Variants in ZNF620 observed in about 807,000 individuals in gnomAD.
The protein encoded by ZNF620 is zinc finger protein 620.
In ZNF620, 10 loss-of-function variants were observed where a neutral mutation model predicts 13.3. The ratio of observed to expected loss-of-function variants is 0.75; its 90% confidence interval spans 0.46 to 1.28. The LOEUF (loss-of-function observed/expected upper bound fraction) is 1.28. Among genes scored for constraint, ZNF620 ranks in the 50% most tolerant of loss-of-function variants. The probability of loss-of-function intolerance (pLI) is 0.00; values close to 1 mark genes in which losing one functional copy is unlikely to be tolerated. For missense variants in ZNF620, 461 were observed against 500.2 expected (o/e 0.92, Z 0.75); for synonymous variants, 166 against 177.6 (o/e 0.93, Z 0.52).
At position 40,506,288 on chromosome 3, in the gene ZNF620, TTTA is replaced by T; in HGVS notation, c.-49-13_-49-11del. The T allele has an allele frequency of 6.2e-7, 1 of 1,609,910 alleles. No individual in the cohort carries two copies. Among genetic ancestry groups the T allele is most frequent in the South Asian group, 1.1e-5 (1 of 90,332 alleles). ...GCAGCATCAATCTCACCGGTGCTTC[TTTA>T]TTTTCTCTTCAGTTTCACTTCTCCG... On this transcript the variant is annotated splice_polypyrimidine_tract_variant and intron_variant, in intron 1 of 4. Coordinates refer to ENST00000314529, the MANE Select transcript of ZNF620 (RefSeq NM_175888.4).
At position 40,513,316 on chromosome 3, in the gene ZNF620, AATATATATAT is replaced by A. The variant is rs71618944; in HGVS notation, c.265+830_265+839del. Reference sequence around the variant, plus strand: ...CCCGTCTCAACTAAAAAAAAAAAAAAATATATATATATATATATATATATATATATATATA... The same window carrying A: ...CCCGTCTCAACTAAAAAAAAAAAAAAATATATATATATATATATATATATA... On this transcript the variant is annotated intron_variant, in intron 4 of 4. Transcript: ENST00000314529. 1.2e-3 allele frequency among the ~76,000 whole-genome samples: 76 copies of A among 62,678 alleles called. No individual in the cohort carries two copies. The South Asian group carries it at 0.02, about 17-fold the overall frequency. 41.1% of individuals were successfully genotyped at this position (62,678 alleles called of 152,430 possible).
intron 2 of ZNF620, among the ~76,000 whole-genome samples, chr3:40,510,126 G>A (rs1698149288): frequency 6.6e-6 from 1 of 151,568 alleles, no homozygotes; most frequent in Non-Finnish European, 1.5e-5. Context: ...AGGCTCAGGT[G>A]ATCCTCCCAC....
intron 4 of ZNF620, among the ~76,000 whole-genome samples, chr3:40,513,156 T>C (rs1036330031): frequency 2.6e-5 from 4 of 151,670 alleles, no homozygotes; most frequent in Admixed American, 1.3e-4. Context: ...CTCACTTCGA[T>C]GGCTATTGAT....
At chr3:40,506,239 C>A (rs189010476) in intron 1 of ZNF620, 65 bp from the exon 2 acceptor site, 150 of 1,367,904 alleles carry the variant, frequency 1.1e-4, no homozygotes, top group Admixed American at 4.9e-4. Context: ...CCAAGTAGCA[C>A]AGAGGGCATT....
intron 2 of ZNF620, chr3:40,508,747 A>G (rs1166246906): frequency 6.6e-6 from 3 of 456,210 alleles, no homozygotes; most frequent in Non-Finnish European, 1.3e-5. Context: ...GATCCTCCCA[A>G]GGAGTTGAGA....
intron 2 of ZNF620, among the ~76,000 whole-genome samples, chr3:40,509,719 T>C (rs899905061): frequency 4.6e-5 from 7 of 152,132 alleles, no homozygotes; most frequent in African/African-American, 1.7e-4. Flanking sequence ...TATGCAGCCC[T>C]CTCCTCTCTG....
Position 40,517,010 on chromosome 3 carries a change from A to C in ZNF620, c.*147A>C, listed in dbSNP as rs1283487772. 1 of 819,394 alleles carries C rather than the reference A, an allele frequency of 1.2e-6. No individual in the cohort carries two copies. Among genetic ancestry groups the C allele is most frequent in the Non-Finnish European group, 1.8e-6 (1 of 543,918 alleles). The allele number at this position is 819,394 out of a possible 1,614,324, so 50.8% of individuals were successfully genotyped here. The stretch of plus-strand genomic sequence containing the variant: ...AGTTTTTTGAACCTGTTTCCCCAAC[A>C]TGAAGTCTCTTTATGGTTAGAGAAG... On this transcript the variant is annotated 3_prime_UTR_variant, in exon 5 of 5. Coordinates refer to ENST00000314529, the MANE Select transcript of ZNF620 (RefSeq NM_175888.4).
rs754711209 is a variant in ZNF620, at chr3:40,516,502, C to T, written c.908C>T (p.Thr303Ile). 1.2e-6 allele frequency: 2 copies of T among 1,614,174 alleles called. No individual in the cohort carries two copies. Among genetic ancestry groups the T allele is most frequent in the East Asian group, 4.5e-5 (2 of 44,890 alleles). Reference sequence around the variant, plus strand: ...TTCCTCCAGCACCAGAGGTTCCACACTGGGGAGAAGCTCTATGAATGTAAC... The same window carrying T: ...TTCCTCCAGCACCAGAGGTTCCACATTGGGGAGAAGCTCTATGAATGTAAC... ...SVFLQHQRFH[T>I]GEKLYECNEC... The change falls in exon 5 of 5, where the codon ACT (threonine) becomes ATT (isoleucine). Residue 303 changes from threonine to isoleucine, a missense_variant. Thr to Ile is a moderately conservative substitution (Grantham distance 89). Coordinates refer to ENST00000314529, the MANE Select transcript of ZNF620 (RefSeq NM_175888.4).
In ZNF620 at chr3:40,516,195, T is replaced by A; in HGVS notation, c.601T>A (p.Cys201Ser). ...TCAGATATCTTATGAATGTGGACAA[T>A]GTGGCAGATATTTCATTCAAATGGC... ...SGQISYECGQ[C>S]GRYFIQMADF... Residue 201 changes from cysteine to serine, a missense_variant, in exon 5 of 5, where the codon TGT becomes AGT. Cys to Ser is a moderately radical substitution (Grantham distance 112). Transcript: ENST00000314529. 1 of 1,614,078 alleles carries A rather than the reference T, an allele frequency of 6.2e-7. No individual in the cohort carries two copies. The highest frequency in any genetic ancestry group is 8.5e-7 in the Non-Finnish European group (1 of 1,180,030).
intron 2 of ZNF620, among the ~76,000 whole-genome samples, chr3:40,510,854 A>T (rs964942362): frequency 1.3e-5 from 2 of 151,998 alleles, no homozygotes; most frequent in African/African-American, 4.8e-5. Context: ...AGCTCAGGTG[A>T]TCCTCCCATC....
In ZNF620 at chr3:40,506,107, C is replaced by G. The variant is rs879244060; in HGVS notation, c.-81C>G. The G allele has an allele frequency of 3.4e-6, 2 of 585,282 alleles. No homozygotes were observed. Among genetic ancestry groups the G allele is most frequent in the East Asian group, 2.9e-5 (1 of 34,334 alleles). 36.3% of individuals were successfully genotyped at this position (585,282 alleles called of 1,614,324 possible). On this transcript the variant is annotated 5_prime_UTR_variant, in exon 1 of 5. Transcript: ENST00000314529. ...ATCTGCGCCTGCGCCGCGCGGGATT[C>G]GCGGTCCGAGCTGAAGAGGTTCGCG...
At position 40,518,253 on chromosome 3, in the gene ZNF620, T is replaced by C. The variant is rs531981790; in HGVS notation, c.*1390T>C. ...GGAAGCAGAGAGTAGTGATTAATAA[T>C]ACAGAGCCAGGCAGACTTTGGTTTG... On this transcript the variant is annotated 3_prime_UTR_variant, in exon 5 of 5. Transcript: ENST00000314529. 2.6e-5 allele frequency: 4 copies of C among 152,344 alleles called. No individual in the cohort carries two copies. In the South Asian group the frequency reaches 8.3e-4, roughly 32 times the overall value. The allele number at this position is 152,344 out of a possible 1,614,324, so 9.4% of individuals were successfully genotyped here.
intron 1 of ZNF620, 64 bp downstream of exon 1, chr3:40,506,202 T>G: frequency 6.3e-6 from 6 of 955,294 alleles, no homozygotes; most frequent in Non-Finnish European, 9.8e-6. Flanking sequence ...CTTTTTGGGG[T>G]GAGGAGTTGG....
Position 40,516,971 on chromosome 3 carries a change from T to G in ZNF620, c.*108T>G. On this transcript the variant is annotated 3_prime_UTR_variant, in exon 5 of 5. Coordinates refer to ENST00000314529, the MANE Select transcript of ZNF620 (RefSeq NM_175888.4). ...CTGGTTAGACACTTGGCTTTCATCA[T>G]GAACTCTTCTTTAAGTTTTTTGAAC... is the stretch of plus-strand genomic sequence containing the variant. 7.8e-7 allele frequency: 1 copy of G among 1,284,890 alleles called. No individual in the cohort carries two copies. Among genetic ancestry groups the G allele is most frequent in the Non-Finnish European group, 1.1e-6 (1 of 946,372 alleles). 79.6% of individuals were successfully genotyped at this position (1,284,890 alleles called of 1,614,324 possible). A position where few individuals can be genotyped will look rare whatever the true frequency, so the allele number is the denominator to read the frequency against.
intron 2 of ZNF620, among the ~76,000 whole-genome samples, chr3:40,507,743 A>G (rs1341220197): frequency 3.3e-5 from 5 of 152,150 alleles, no homozygotes; most frequent in African/African-American, 9.7e-5. Flanking sequence ...GTTTTTAAGT[A>G]CAGTTTTGAG....
rs1302317545 is a variant in ZNF620 at position 40,516,614 on chromosome 3, G to A, written c.1020G>A (p.Glu340=). The change falls in exon 5 of 5, where the codon GAG becomes GAA. Residue 340 remains glutamate (E), a synonymous_variant. Coordinates refer to ENST00000314529, the MANE Select transcript of ZNF620 (RefSeq NM_175888.4). ...GGGAGAAACCTTATGAATGTAAAGA[G>A]TGTGGAAAACGATTAAGCTCCAACA... ...HTGEKPYECK[E]CGKRLSSNTA... 2 of 1,614,032 alleles carry A rather than the reference G, an allele frequency of 1.2e-6. No individual in the cohort carries two copies.
chr3:40,515,949 C>T lies in ZNF620; in HGVS notation c.355C>T (p.Leu119=). The T allele has an allele frequency of 1.2e-6, 2 of 1,614,082 alleles. No homozygotes were observed. The highest frequency in any genetic ancestry group is 1.7e-6 in the Non-Finnish European group (2 of 1,180,010). ...GTCCTTCAGACTGATGGTGGGGGGC[C>T]TGCCAGGGAATGTTTCCCAGCACCT... ...TESFRLMVGG[L]PGNVSQHLDF... The change falls in exon 5 of 5, where the codon CTG becomes TTG. Residue 119 remains leucine (L), a synonymous_variant. Transcript: ENST00000314529.
Position 40,511,540 on chromosome 3 carries a change from A to G in ZNF620, c.95A>G (p.Gln32Arg). ...QNEWASLDSV[Q>R]RALYREVMLE... ...GAATGGGCCAGCCTGGACTCTGTGC[A>G]GAGGGCCCTGTACAGGGAAGTGATG... The change falls in exon 3 of 5, where the codon CAG becomes CGG. Residue 32 changes from glutamine (Q) to arginine (R), a missense_variant. Gln to Arg is a conservative substitution (Grantham distance 43). Transcript: ENST00000314529. The G allele has an allele frequency of 6.2e-7, 1 of 1,613,892 alleles. No homozygotes were observed. The highest frequency in any genetic ancestry group is 8.5e-7 in the Non-Finnish European group (1 of 1,179,862).
In ZNF620 at chr3:40,512,580, T is replaced by C. The variant is rs1367477306; in HGVS notation, c.265+65T>C. ...TTGCTTTCTTGTTTTCACATTTCAT[T>C]GTGCAAGAAGTGTTTCTTCTCTTGG... On this transcript the variant is annotated intron_variant, in intron 4 of 4. Transcript: ENST00000314529. 6.8e-6 allele frequency: 8 copies of C among 1,171,636 alleles called. No homozygotes were observed. The East Asian group carries it at 7.4e-5, about 11-fold the overall frequency. 72.6% of individuals were successfully genotyped at this position (1,171,636 alleles called of 1,614,324 possible).
Sources: allele counts gnomAD v4.1 joint callset (sites outside exome capture counted in the v4.1 genomes callset), GRCh38; gene constraint gnomAD v4.1.1; transcripts MANE v1.5; gene names NCBI Gene and HGNC (gene_info 2026-07-23, HGNC 2026-07-21).